TMEM63B: variants seen among roughly 807,000 people sequenced by gnomAD.
TMEM63B encodes mechanosensitive cation channel TMEM63B.
TMEM63B carries 23 observed loss-of-function variants against 102.6 expected under a neutral mutation model. The ratio of observed to expected loss-of-function variants is 0.22; its 90% CI spans 0.16 to 0.32. The LOEUF is 0.32. TMEM63B is among the 10% of genes least tolerant of loss of function. The pLI is 1.00. For synonymous variants in TMEM63B, 444 were observed against 437.0 expected, an observed-to-expected ratio of 1.02 and a Z score of -0.20; for missense variants, 628 against 1,095.9, an observed-to-expected ratio of 0.57 and a Z score of 6.03.
At chr6:44,137,934 A>T (rs1474352431) in intron 5 of TMEM63B, among the ~76,000 whole-genome samples, 1 of 152,094 alleles carries the variant, frequency 6.6e-6, no homozygotes, top group Non-Finnish European at 1.5e-5. Flanking sequence ...TCCTGACCTC[A>T]GTTGATCCGC....
chr6:44,149,775 C>A, intron 15 of TMEM63B, 84 bp from the exon 16 acceptor site: 4 of 1,112,730 alleles, frequency 3.6e-6, no homozygotes, highest in Non-Finnish European at 5.2e-6. Flanking sequence ...AGGCCAAGGG[C>A]CCAGCTGGGG....
At chr6:44,130,783 G>C (rs1299244190) in intron 1 of TMEM63B, among the ~76,000 whole-genome samples, 2 of 120,494 alleles carry the variant, frequency 1.7e-5, no homozygotes, top group Admixed American at 1.7e-4. Context: ...ACAAGGTTTT[G>C]CTCTCTTGCC....
At chr6:44,138,905 G>A (rs979579073) in intron 6 of TMEM63B, 16 of 290,176 alleles carry the variant, frequency 5.5e-5, no homozygotes, top group Admixed American at 2.2e-4. Flanking sequence ...GGCAGTGAGC[G>A]CTGAGAAAGG....
At chr6:44,149,671 C>T (rs189978787) in intron 15 of TMEM63B, among the ~76,000 whole-genome samples, 188 bp from the exon 16 acceptor site, 1 of 152,272 alleles carries the variant, frequency 6.6e-6, no homozygotes, top group East Asian at 1.9e-4. Context: ...TCAGTATTAT[C>T]CACCCTGGGG....
At chr6:44,137,671 T>C (rs927940223) in intron 5 of TMEM63B, among the ~76,000 whole-genome samples, 1 of 151,474 alleles carries the variant, frequency 6.6e-6, no homozygotes, top group Non-Finnish European at 1.5e-5. Flanking sequence ...TTTACATGCC[T>C]GGAGGGTGGA....
intron 8 of TMEM63B, 141 bp downstream of exon 8, chr6:44,139,900 AGACAGAAGAGG>A: frequency 9.6e-7 from 1 of 1,044,376 alleles, no homozygotes; most frequent in Non-Finnish European, 1.5e-6. Context: ...CTTGGGTTGG[AGACAGAAGAGG>A]GAAATGCCTG....
At chr6:44,135,390 AT>A in intron 4 of TMEM63B, 24 bp downstream of exon 4, 7 of 1,603,540 alleles carry the variant, frequency 4.4e-6, no homozygotes, top group Non-Finnish European at 6.0e-6. Context: ...CAGCCCCCTC[AT>A]TCCCACTAAA....
Position 44,148,129 on chromosome 6 carries a change from A to C in TMEM63B, c.988-123A>C. 6.8e-7 allele frequency: 1 copy of C among 1,477,040 alleles called. No individual in the cohort carries two copies. The allele number at this position is 1,477,040 out of a possible 1,614,324, so 91.5% of individuals were successfully genotyped here. Reference sequence around the variant, plus strand: ...CAGAGCGAGACGCTGTTTCCAAAAAAAAAAAAATGCTTAGAGGAGCAGTGC... The same window carrying C: ...CAGAGCGAGACGCTGTTTCCAAAAACAAAAAAATGCTTAGAGGAGCAGTGC... On this transcript the variant is annotated intron_variant, in intron 12 of 23. Transcript: ENST00000323267. This position sits in a 1 kb window ranked among gnomAD's most constrained non-coding sequence, Gnocchi z 5.1.
At position 44,152,753 on chromosome 6, in the gene TMEM63B, C is replaced by G; in HGVS notation, c.1942+55C>G. 1 of 1,446,806 alleles carries G rather than the reference C, an allele frequency of 6.9e-7. No homozygotes were observed. Among genetic ancestry groups the G allele is most frequent in the Non-Finnish European group, 9.6e-7 (1 of 1,042,840 alleles). 89.6% of individuals were successfully genotyped at this position (1,446,806 alleles called of 1,614,324 possible). ...CTGCTCGGGGGGACCCAGGACTTCACCCTCTCCACTCTAGGAATGCAGGCC... is the reference window on the plus strand; with the variant it reads ...CTGCTCGGGGGGACCCAGGACTTCAGCCTCTCCACTCTAGGAATGCAGGCC... On this transcript the variant is annotated intron_variant, in intron 20 of 23. Transcript: ENST00000323267. The surrounding 1 kb of genome is among the most constrained non-coding windows in gnomAD (Gnocchi z 6.4).
At chr6:44,130,905 C>A (rs1320993713) in intron 1 of TMEM63B, among the ~76,000 whole-genome samples, 1 of 151,712 alleles carries the variant, frequency 6.6e-6, no homozygotes, top group Admixed American at 6.6e-5. Flanking sequence ...GGGTGAGCCA[C>A]CCCACCCTGC....
At chr6:44,139,424 C>T in intron 6 of TMEM63B, 43 bp from the exon 7 acceptor site, 1 of 1,606,146 alleles carries the variant, frequency 6.2e-7, no homozygotes, top group Non-Finnish European at 8.5e-7. Context: ...CCTTCTTGCC[C>T]TGGTCCTAAC....
chr6:44,154,976 C>T lies in TMEM63B; in HGVS notation c.*93C>T, dbSNP rs1767737283. 3.4e-6 allele frequency: 4 copies of T among 1,187,296 alleles called. No individual in the cohort carries two copies. Among genetic ancestry groups the T allele is most frequent in the Non-Finnish European group, 4.6e-6 (4 of 878,072 alleles). 73.5% of individuals were successfully genotyped at this position (1,187,296 alleles called of 1,614,324 possible). ...GCTAATAATTTATTAGATCTAAAGC[C>T]CCTTCCTCCCCAGCCCCTGCTTTCA... On this transcript the variant is annotated 3_prime_UTR_variant, in exon 24 of 24. Coordinates refer to ENST00000323267, the MANE Select transcript of TMEM63B (RefSeq NM_018426.3).
rs1766097314 is a variant in TMEM63B at position 44,149,342 on chromosome 6, G to A, written c.1413+397G>A. 16 of 337,620 alleles carry A rather than the reference G, an allele frequency of 4.7e-5. No homozygotes were observed. The South Asian group carries it at 4.7e-4, about 10-fold the overall frequency. 20.9% of individuals were successfully genotyped at this position (337,620 alleles called of 1,614,324 possible). On this transcript the variant is annotated intron_variant, in intron 15 of 23. Coordinates refer to ENST00000323267, the MANE Select transcript of TMEM63B (RefSeq NM_018426.3). The stretch of plus-strand genomic sequence containing the variant: ...GAAAAGCAGGGCTGCTCCGATGACA[G>A]TAGGGTGGCATGCATGTCTGCCTGG...
chr6:44,140,992 A>C (rs768298946), intron 9 of TMEM63B, 36 bp from the exon 10 acceptor site: 1 of 1,607,286 alleles, frequency 6.2e-7, no homozygotes, highest in Non-Finnish European at 8.5e-7. Context: ...ACTGGGGTCA[A>C]GCCTCAGAAG....
Position 44,148,380 on chromosome 6 carries a change from C to A in TMEM63B, c.1116C>A (p.Thr372=), listed in dbSNP as rs368199758. Residue 372 remains threonine (T), a synonymous_variant, in exon 13 of 24, where the codon ACC becomes ACA. Transcript: ENST00000323267. This position sits in a 1 kb window ranked among gnomAD's most constrained non-coding sequence, Gnocchi z 5.1. ...AFVTFHNETI[T]AIILKDFNVC... is the part of the protein sequence containing the mutation. ...TCACCTTCCACAATGAGACTATCAC[C>A]GCCATGTGAGTCCCCAACTCGGCCC... is the stretch of plus-strand genomic sequence containing the variant. The A allele has an allele frequency of 6.2e-7, 1 of 1,614,248 alleles. No homozygotes were observed.
At chr6:44,151,801 C>A in intron 18 of TMEM63B, 45 bp from the exon 19 acceptor site, 1 of 1,534,410 alleles carries the variant, frequency 6.5e-7, no homozygotes, top group Non-Finnish European at 8.8e-7. Flanking sequence ...GGGCGGCCAC[C>A]GGGTCACCCC....
At position 44,150,530 on chromosome 6, in the gene TMEM63B, G is replaced by A; in HGVS notation, c.1608-34G>A. 1 of 1,612,170 alleles carries A rather than the reference G, an allele frequency of 6.2e-7. No homozygotes were observed. Among genetic ancestry groups the A allele is most frequent in the South Asian group, 1.1e-5 (1 of 90,970 alleles). ...TCCCCTGGTGTTCTGTACCACTCCA[G>A]CTCCCACCCCATCTCTCCTCTGCTT... On this transcript the variant is annotated intron_variant, in intron 17 of 23. Coordinates refer to ENST00000323267, the MANE Select transcript of TMEM63B (RefSeq NM_018426.3). This position sits in a 1 kb window ranked among gnomAD's most constrained non-coding sequence, Gnocchi z 4.7.
At chr6:44,127,095 G>A (rs1409589520), upstream of TMEM63B, 4 of 152,002 alleles carry the variant, frequency 2.6e-5, no homozygotes, top group Non-Finnish European at 1.5e-5. Context: ...CACGGACTTG[G>A]GGGTCGCAGA....
intron 22 of TMEM63B, 28 bp from the exon 23 acceptor site, chr6:44,154,337 C>A (rs1443214130): frequency 1.9e-6 from 3 of 1,613,026 alleles, no homozygotes; most frequent in Non-Finnish European, 2.5e-6. Flanking sequence ...CATGCCCCCA[C>A]TTCCTGACTC....
Sources: allele counts gnomAD v4.1 joint callset (sites outside exome capture counted in the v4.1 genomes callset), GRCh38; gene constraint gnomAD v4.1.1; non-coding constraint Gnocchi (gnomAD v3.1); transcripts MANE v1.5; gene names NCBI Gene and HGNC (gene_info 2026-07-23, HGNC 2026-07-21).